ERC1: variants seen among roughly 807,000 people sequenced by gnomAD.
ERC1 encodes ELKS/RAB6-interacting/CAST family member 1, also known as RAB6 interacting protein 2.
A neutral mutation model predicts 132.0 loss-of-function variants in ERC1; 56 were observed. The ratio of observed to expected loss-of-function variants is 0.42; its 90% CI spans 0.34 to 0.53. The LOEUF is 0.53. Ranked by LOEUF, ERC1 falls within the 20% of genes least tolerant of loss-of-function variation. The probability of loss-of-function intolerance (pLI) is 0.03; values close to 1 mark genes in which losing one functional copy is unlikely to be tolerated. For missense variants in ERC1, 1,202 were observed against 1,349.9 expected, an observed-to-expected ratio of 0.89 and a Z score of 1.72; for synonymous variants, 478 against 476.1, an observed-to-expected ratio of 1.00 and a Z score of -0.05.
chr12:1,103,261 G>T (rs1329202861), intron 3 of ERC1, among the ~76,000 whole-genome samples: 1 of 152,212 alleles, frequency 6.6e-6, no homozygotes, highest in Non-Finnish European at 1.5e-5. Context: ...TAGCATATTT[G>T]AGGAGCAGCA....
chr12:1,472,334 G>A (rs1209126527), intron 18 of ERC1, among the ~76,000 whole-genome samples: 1 of 152,110 alleles, frequency 6.6e-6, no homozygotes, highest in Non-Finnish European at 1.5e-5. Flanking sequence ...ATGAATGGCA[G>A]AAATATGTGA....
chr12:1,073,176 T>C (rs1593117859), intron 2 of ERC1, among the ~76,000 whole-genome samples: 1 of 152,018 alleles, frequency 6.6e-6, no homozygotes, highest in East Asian at 1.9e-4. Flanking sequence ...GGCTGTGCAC[T>C]TGTAGTCCCA....
At chr12:1,004,358 T>A (rs1963058377) in intron 1 of ERC1, among the ~76,000 whole-genome samples, 1 of 151,844 alleles carries the variant, frequency 6.6e-6, no homozygotes, top group Admixed American at 6.6e-5. Flanking sequence ...GATTTAAAAA[T>A]TCATTTCTGC....
chr12:1,220,659 T>A (rs1958891640), intron 12 of ERC1, among the ~76,000 whole-genome samples: 1 of 152,220 alleles, frequency 6.6e-6, no homozygotes, highest in South Asian at 2.1e-4. Context: ...GGCACCTATT[T>A]TTGTAAAACC....
chr12:1,234,815 A>C (rs1183819794), intron 12 of ERC1, among the ~76,000 whole-genome samples: 1 of 152,196 alleles, frequency 6.6e-6, no homozygotes, highest in African/African-American at 2.4e-5. Context: ...AATGCATGTA[A>C]ATATTCCTGG....
At chr12:1,112,389 T>C in intron 6 of ERC1, 91 bp downstream of exon 6, 1 of 869,468 alleles carries the variant, frequency 1.2e-6, no homozygotes, top group African/African-American at 1.7e-5. Flanking sequence ...TACCCTTTCA[T>C]TCTCTATGGT....
chr12:1,202,113 C>G (rs548669044), intron 12 of ERC1, among the ~76,000 whole-genome samples: 1 of 152,242 alleles, frequency 6.6e-6, no homozygotes, highest in African/African-American at 2.4e-5. Flanking sequence ...CTGCTTGTTT[C>G]TTTCTTCTTC....
chr12:1,272,946 TAA>T (rs56750908), intron 14 of ERC1, among the ~76,000 whole-genome samples: 31,352 of 87,818 alleles, frequency 0.36, 4,382 homozygotes, highest in Middle Eastern at 0.45. Context: ...AGACTCCGTC[TAA>T]AAAAAAAAAA....
chr12:1,277,312 G>T (rs2078341920), intron 14 of ERC1, among the ~76,000 whole-genome samples: 1 of 152,196 alleles, frequency 6.6e-6, no homozygotes, highest in Non-Finnish European at 1.5e-5. Context: ...AAACTGATTA[G>T]AATCATTTGA....
At chr12:996,661 ACTT>A (rs1051803900) in intron 1 of ERC1, among the ~76,000 whole-genome samples, 1 of 152,122 alleles carries the variant, frequency 6.6e-6, no homozygotes, top group Non-Finnish European at 1.5e-5. Flanking sequence ...AAGGCACATG[ACTT>A]CTTATTGTTG....
intron 15 of ERC1, among the ~76,000 whole-genome samples, chr12:1,341,069 C>CTTTCTTTTTTTTTTTTTTTTTTT (rs2083805961): frequency 1.6e-5 from 1 of 63,134 alleles, no homozygotes; most frequent in African/African-American, 6.3e-5. Context: ...TTTTCTTTTT[C>CTTTCTTTTTTTTTTTTTTTTTTT]TTTTTTTTTT....
At chr12:1,444,785 T>C in intron 18 of ERC1, 35 bp downstream of exon 18, 1 of 1,587,308 alleles carries the variant, frequency 6.3e-7, no homozygotes, top group East Asian at 2.2e-5. Flanking sequence ...AAAGAGCCTG[T>C]GAAAATCCAG....
At chr12:1,280,023 T>C (rs1383862607) in intron 14 of ERC1, among the ~76,000 whole-genome samples, 3 of 152,172 alleles carry the variant, frequency 2.0e-5, no homozygotes, top group Admixed American at 2.0e-4. Context: ...ATACTCTATC[T>C]AAACTGCAGA....
intron 18 of ERC1, among the ~76,000 whole-genome samples, chr12:1,474,302 C>T (rs557612826): frequency 6.6e-6 from 1 of 152,304 alleles, no homozygotes; most frequent in South Asian, 2.1e-4. Flanking sequence ...TGCCCTCCAC[C>T]AAACCATCTG....
intron 17 of ERC1, among the ~76,000 whole-genome samples, chr12:1,418,990 A>G (rs1225492569): frequency 1.3e-5 from 2 of 152,074 alleles, no homozygotes; most frequent in Non-Finnish European, 2.9e-5. Context: ...CTGTGATTAC[A>G]GGCCTGAGCC....
At chr12:1,213,642 C>T (rs1414112406) in intron 12 of ERC1, among the ~76,000 whole-genome samples, 3 of 150,082 alleles carry the variant, frequency 2.0e-5, no homozygotes, top group African/African-American at 7.4e-5. Flanking sequence ...GAGGCTGAGG[C>T]AGGAGAATCT....
intron 12 of ERC1, among the ~76,000 whole-genome samples, chr12:1,216,170 G>A (rs754193221): frequency 6.6e-6 from 1 of 151,704 alleles, no homozygotes; most frequent in Non-Finnish European, 1.5e-5. Context: ...TCAGAAACTC[G>A]TAACTTTATT....
chr12:1,398,181 A>G (rs1433955682), intron 16 of ERC1, among the ~76,000 whole-genome samples: 1 of 151,818 alleles, frequency 6.6e-6, no homozygotes, highest in Non-Finnish European at 1.5e-5. Context: ...ATGGGGTTTC[A>G]CCATGTTGCC....
At chr12:1,134,533 G>T (rs1248848215) in intron 7 of ERC1, among the ~76,000 whole-genome samples, 3 of 151,432 alleles carry the variant, frequency 2.0e-5, no homozygotes, top group African/African-American at 7.3e-5. Context: ...ATTTTTTTTT[G>T]TAGAGATAGT....
Sources: gnomAD v4.1 joint callset for allele counts (sites outside exome capture counted in the v4.1 genomes callset) on GRCh38, gnomAD v4.1.1 for gene constraint, MANE v1.5 for transcripts, NCBI Gene and HGNC (gene_info 2026-07-23, HGNC 2026-07-21) for gene names.